Variants in NIN observed in about 807,000 individuals in gnomAD.
The protein encoded by NIN is ninein.
Under a neutral mutation model 257.6 loss-of-function variants are expected in NIN, and 137 were observed. The observed-to-expected ratio is 0.53, with a 90% CI of 0.46 to 0.61. The LOEUF (loss-of-function observed/expected upper bound fraction) is 0.61. Among genes scored for constraint, NIN ranks in the 20% least tolerant of loss-of-function variants. NIN has a pLI of 0.00. For synonymous variants in NIN, 918 were observed against 919.8 expected (o/e 1.00, Z 0.04); for missense variants, 2,439 against 2,501.2 (o/e 0.98, Z 0.53).
chr14:50,730,951 G>A (rs768469360), intron 28 of NIN: 6 of 1,347,914 alleles, frequency 4.5e-6, no homozygotes, highest in Admixed American at 3.8e-5. Flanking sequence ...GCAGAGAACT[G>A]CACCCTTCTC....
intron 3 of NIN, among the ~76,000 whole-genome samples, chr14:50,817,636 T>C (rs2044970676): frequency 6.6e-6 from 1 of 152,130 alleles, no homozygotes. Context: ...CATAGGGTAT[T>C]TCAGCATCCA....
In NIN at chr14:50,757,754, T is replaced by C. The variant is rs1334248698; in HGVS notation, c.3276A>G (p.Gln1092=). The C allele has an allele frequency of 6.2e-7, 1 of 1,614,224 alleles. No homozygotes were observed. The change falls in exon 18 of 31, where the codon CAA becomes CAG. Residue 1092 remains glutamine (Q), a synonymous_variant. Transcript: ENST00000530997. The part of the protein sequence containing the change: ...VKMATEISRL[Q]QRLQKLEPGL... Reference sequence around the variant, plus strand: ...CTGGCTCTAACTTTTGTAGCCTCTGTTGCAATCTAGAAATTTCAGTAGCCA... The same window carrying C: ...CTGGCTCTAACTTTTGTAGCCTCTGCTGCAATCTAGAAATTTCAGTAGCCA...
rs771067644 is a variant in NIN, at chr14:50,778,787, G to A, written c.453C>T (p.Arg151=). The A allele has an allele frequency of 1.2e-6, 2 of 1,614,040 alleles. No individual in the cohort carries two copies. The highest frequency in any genetic ancestry group is 2.2e-5 in the South Asian group (2 of 91,066). ...GDCSEHWKTQ[R]SEEYEAEGQL... is the part of the protein sequence containing the mutation. ...TACCTTCCGCTTCATACTCCTCACT[G>A]CGTTGCGTCTTCCAGTGCTAGAGAA... Residue 151 remains arginine, a synonymous_variant, in exon 6 of 31, where the codon CGC becomes CGT. Transcript: ENST00000530997.
chr14:50,794,362 C>T (rs1008862632), intron 4 of NIN: 4 of 265,912 alleles, frequency 1.5e-5, no homozygotes, highest in Admixed American at 6.5e-5. Flanking sequence ...TTTATTAGGT[C>T]GAGTGATTCT....
chr14:50,751,007 G>A (rs968545794), intron 21 of NIN, among the ~76,000 whole-genome samples: 3 of 152,084 alleles, frequency 2.0e-5, no homozygotes, highest in African/African-American at 7.2e-5. Context: ...ACACACAAAG[G>A]CATTCTATAG....
At chr14:50,806,926 T>C in intron 3 of NIN, 108 bp from the exon 4 acceptor site, 1 of 534,996 alleles carries the variant, frequency 1.9e-6, no homozygotes, top group Non-Finnish European at 3.2e-6. Context: ...AGCCTTGAAG[T>C]GAGTCATAAT....
chr14:50,775,918 A>G (rs919617457), intron 7 of NIN, among the ~76,000 whole-genome samples: 4 of 152,210 alleles, frequency 2.6e-5, no homozygotes, highest in Non-Finnish European at 5.9e-5. Context: ...ATAATGGTCA[A>G]AAATACAGGA....
chr14:50,771,315 C>A lies in NIN; in HGVS notation c.1118+17G>T. The A allele has an allele frequency of 6.2e-7, 1 of 1,612,374 alleles. No homozygotes were observed. Among genetic ancestry groups the A allele is most frequent in the Non-Finnish European group, 8.5e-7 (1 of 1,179,368 alleles). On this transcript the variant is annotated intron_variant, in intron 10 of 30. Coordinates refer to ENST00000530997, the MANE Select transcript of NIN (RefSeq NM_020921.4). ...TAGGAAAGGGAATGGGGCAGGCGAA[C>A]CTTCTGCTCAACTCACAACAAATGC...
At chr14:50,804,520 A>G (rs1286991541) in intron 4 of NIN, among the ~76,000 whole-genome samples, 1 of 152,280 alleles carries the variant, frequency 6.6e-6, no homozygotes, top group Non-Finnish European at 1.5e-5. Context: ...AGGATGGAAC[A>G]CACAGCAAAA....
intron 30 of NIN, among the ~76,000 whole-genome samples, chr14:50,724,933 T>C (rs940524277): frequency 6.6e-6 from 1 of 152,208 alleles, no homozygotes; most frequent in African/African-American, 2.4e-5. Context: ...ATCCCACTTA[T>C]TTCTGAACCT....
rs1409999651 is a variant in NIN, at chr14:50,757,455, T to G, written c.3575A>C (p.Glu1192Ala). The G allele has an allele frequency of 6.2e-7, 1 of 1,614,166 alleles. No homozygotes were observed. The highest frequency in any genetic ancestry group is 8.5e-7 in the Non-Finnish European group (1 of 1,180,022). ...ELENSEETRT[E>A]SWELKNQISQ... The stretch of plus-strand genomic sequence containing the variant: ...AATCTGATTCTTCAGCTCCCAGGAT[T>G]CAGTCCTGGTCTCTTCACTGTTTTC... The change falls in exon 18 of 31, where the codon GAA becomes GCA. Residue 1192 changes from glutamate to alanine, a missense_variant. This residue lies in a region of NIN where 2,043 missense variants were observed against 2,050.2 expected (regional missense o/e 1.00). Transcript: ENST00000530997.
intron 29 of NIN, among the ~76,000 whole-genome samples, chr14:50,728,719 A>G (rs1002407256): frequency 6.6e-6 from 1 of 152,272 alleles, no homozygotes; most frequent in East Asian, 1.9e-4. Context: ...AAGCTGCAAG[A>G]GTTAAACTTC....
intron 3 of NIN, among the ~76,000 whole-genome samples, chr14:50,821,109 C>A (rs2045194014): frequency 6.6e-6 from 1 of 152,078 alleles, no homozygotes; most frequent in Non-Finnish European, 1.5e-5. Flanking sequence ...TGACTCAAAG[C>A]CATATAAACC....
intron 30 of NIN, 174 bp downstream of exon 30, chr14:50,725,779 A>AT: frequency 4.3e-6 from 5 of 1,166,310 alleles, no homozygotes; most frequent in Non-Finnish European, 6.1e-6. Context: ...CAGAGTTCGT[A>AT]TTTTTTGGGG....
At chr14:50,729,879 T>C (rs978023726) in intron 28 of NIN, among the ~76,000 whole-genome samples, 156 bp from the exon 29 acceptor site, 2 of 152,210 alleles carry the variant, frequency 1.3e-5, no homozygotes, top group Admixed American at 6.5e-5. Context: ...GCCCGAGGAA[T>C]ACAGAAATGA....
At chr14:50,794,761 TAAAAAAAAAAA>T (rs900112232) in intron 4 of NIN, among the ~76,000 whole-genome samples, 1 of 125,068 alleles carries the variant, frequency 8.0e-6, no homozygotes, top group Admixed American at 8.2e-5. Context: ...ATTCAGAGGT[TAAAAAAAAAAA>T]AAAAAAAAGC....
intron 7 of NIN, among the ~76,000 whole-genome samples, chr14:50,774,474 C>A (rs1416916810): frequency 6.6e-6 from 1 of 152,138 alleles, no homozygotes; most frequent in Non-Finnish European, 1.5e-5. Flanking sequence ...AGAGTGGAAA[C>A]GTTTGCAAGA....
rs754871454 is a variant in NIN, at chr14:50,792,700, C to A, written c.435+12G>T. Reference sequence around the variant, plus strand: ...TCATGATCCAGATGAACGTGCATGCCCGATTCCTTACCTCACTGCAGTCAC... The same window carrying A: ...TCATGATCCAGATGAACGTGCATGCACGATTCCTTACCTCACTGCAGTCAC... On this transcript the variant is annotated intron_variant, in intron 5 of 30. Coordinates refer to ENST00000530997, the MANE Select transcript of NIN (RefSeq NM_020921.4). The A allele has an allele frequency of 5.6e-6, 9 of 1,613,938 alleles. No individual in the cohort carries two copies. Among genetic ancestry groups the A allele is most frequent in the Non-Finnish European group, 8.5e-7 (1 of 1,179,994 alleles).
At chr14:50,742,775 A>G (rs1271414934) in intron 24 of NIN, among the ~76,000 whole-genome samples, 1 of 152,194 alleles carries the variant, frequency 6.6e-6, no homozygotes, top group Non-Finnish European at 1.5e-5. Context: ...AAATTCATAA[A>G]GGGAATGTTG....
Sources: allele counts gnomAD v4.1 joint callset (sites outside exome capture counted in the v4.1 genomes callset), GRCh38; gene constraint gnomAD v4.1.1; regional missense constraint gnomAD v4.1.1; transcripts MANE v1.5; gene names NCBI Gene and HGNC (gene_info 2026-07-23, HGNC 2026-07-21).